ALG6: variants seen among roughly 807,000 people sequenced by gnomAD.
The protein encoded by ALG6 is dolichyl pyrophosphate Man9GlcNAc2 alpha-1,3-glucosyltransferase.
In ALG6, 46 loss-of-function variants were observed where a neutral mutation model predicts 66.6. The observed-to-expected ratio is 0.69, with a 90% CI of 0.55 to 0.88. The LOEUF (loss-of-function observed/expected upper bound fraction) is 0.88, where lower values mean the gene tolerates loss of function less well. ALG6 is among the 40% of genes least tolerant of loss of function. The pLI is 0.00. For synonymous variants in ALG6, 185 were observed against 203.7 expected (o/e 0.91, Z 0.78); for missense variants, 505 against 586.8 (o/e 0.86, Z 1.44).
intron 14 of ALG6, among the ~76,000 whole-genome samples, chr1:63,430,345 T>G (rs1644639414): frequency 6.6e-6 from 1 of 152,266 alleles, no homozygotes; most frequent in African/African-American, 2.4e-5. Flanking sequence ...ATGAATATAA[T>G]AATGCTGTTG....
intron 2 of ALG6, among the ~76,000 whole-genome samples, chr1:63,391,490 C>G (rs758089980): frequency 6.6e-6 from 1 of 152,140 alleles, no homozygotes; most frequent in Non-Finnish European, 1.5e-5. Flanking sequence ...CTTCTTTTCT[C>G]TGGGTATAGG....
chr1:63,428,470 T>C lies in ALG6; in HGVS notation c.1059-263T>C, dbSNP rs1293314142. ...TTTCTTAAGCTACTTGTTTGTATGA[T>C]AGAGAAAAAAAGTTCCATTAACGGC... is the stretch of plus-strand genomic sequence containing the variant. On this transcript the variant is annotated intron_variant, in intron 12 of 14. Transcript: ENST00000263440. The C allele has an allele frequency of 9.8e-6, 3 of 305,006 alleles. 1 individual carries two copies. The highest frequency in any genetic ancestry group is 1.2e-4 in the East Asian group (2 of 16,430). 18.9% of individuals were successfully genotyped at this position (305,006 alleles called of 1,614,324 possible).
At chr1:63,374,120 A>G (rs1223644595) in intron 2 of ALG6, among the ~76,000 whole-genome samples, 1 of 152,204 alleles carries the variant, frequency 6.6e-6, no homozygotes, top group Admixed American at 6.5e-5. Context: ...TGGGATTCAA[A>G]TATAGTTGTA....
At chr1:63,419,125 A>T (rs1351307639) in intron 11 of ALG6, among the ~76,000 whole-genome samples, 2 of 152,168 alleles carry the variant, frequency 1.3e-5, no homozygotes, top group African/African-American at 4.8e-5. Context: ...GTTTATTAAT[A>T]ACTGAGTTAT....
chr1:63,417,380 G>C (rs1290525474), intron 11 of ALG6, among the ~76,000 whole-genome samples: 1 of 152,118 alleles, frequency 6.6e-6, no homozygotes, highest in Admixed American at 6.6e-5. Flanking sequence ...CTTTTTCTTA[G>C]TTTTGTAATT....
At chr1:63,414,545 C>T (rs1238667859) in intron 10 of ALG6, among the ~76,000 whole-genome samples, 1 of 152,206 alleles carries the variant, frequency 6.6e-6, no homozygotes, top group Non-Finnish European at 1.5e-5. Flanking sequence ...CCACTGCACC[C>T]AGCCGAGGTG....
At chr1:63,395,334 A>G (rs1648789744) in intron 2 of ALG6, among the ~76,000 whole-genome samples, 1 of 152,220 alleles carries the variant, frequency 6.6e-6, no homozygotes, top group South Asian at 2.1e-4. Context: ...GATCTAATTA[A>G]TGTCTTTTTA....
intron 4 of ALG6, 94 bp downstream of exon 4, chr1:63,402,437 A>T (rs1317151439): frequency 4.8e-6 from 3 of 623,178 alleles, no homozygotes; most frequent in Non-Finnish European, 8.6e-6. Context: ...ACTAGAGGAG[A>T]GATTGCTTGT....
intron 2 of ALG6, among the ~76,000 whole-genome samples, chr1:63,387,866 G>A (rs1356834106): frequency 1.3e-5 from 2 of 151,946 alleles, no homozygotes; most frequent in Non-Finnish European, 2.9e-5. Context: ...TATAGCTTTT[G>A]TCTTGAAATC....
chr1:63,421,949 C>T (rs1570080619), intron 12 of ALG6, among the ~76,000 whole-genome samples: 1 of 149,340 alleles, frequency 6.7e-6, no homozygotes, highest in East Asian at 1.9e-4. Context: ...AGCAAACCAC[C>T]ATGGCACGTG....
At position 63,436,947 on chromosome 1, in the gene ALG6, T is replaced by A. The variant is rs749363896; in HGVS notation, c.1451T>A (p.Phe484Tyr). Residue 484 changes from phenylalanine (F) to tyrosine (Y), a missense_variant, in exon 15 of 15, where the codon TTC becomes TAC. Phe to Tyr is a conservative substitution (Grantham distance 22). Transcript: ENST00000263440. ...TTTGTATCTTGCTTGAACTTCCTGT[T>A]CTTCTTGGTATACTTTAACATTATT... ...VCFVSCLNFL[F>Y]FLVYFNIIIM... 3 of 1,613,724 alleles carry A rather than the reference T, an allele frequency of 1.9e-6. No individual in the cohort carries two copies. The highest frequency in any genetic ancestry group is 1.7e-6 in the Non-Finnish European group (2 of 1,179,782).
At chr1:63,394,871 T>C (rs796179206) in intron 2 of ALG6, among the ~76,000 whole-genome samples, 10 of 141,020 alleles carry the variant, frequency 7.1e-5, no homozygotes, top group African/African-American at 2.3e-4. Flanking sequence ...ATTTCTTTTC[T>C]TTTTTTTTTT....
chr1:63,414,147 G>A lies in ALG6; in HGVS notation c.902+1G>A, dbSNP rs1036516188. ...CACGTCACATCCAATTAATAATGAGGTAAGAGAAACAAAGTTTGTATGTAG... is the reference window on the plus strand; with the variant it reads ...CACGTCACATCCAATTAATAATGAGATAAGAGAAACAAAGTTTGTATGTAG... On this transcript the variant is annotated splice_donor_variant, in intron 10 of 14. Coordinates refer to ENST00000263440, the MANE Select transcript of ALG6 (RefSeq NM_013339.4). LOFTEE classifies it high-confidence loss of function. 11 of 1,590,896 alleles carry A rather than the reference G, an allele frequency of 6.9e-6. No individual in the cohort carries two copies. Among genetic ancestry groups the A allele is most frequent in the African/African-American group, 1.3e-5 (1 of 74,364 alleles).
chr1:63,380,686 A>G (rs1308874694), intron 2 of ALG6, among the ~76,000 whole-genome samples: 1 of 152,226 alleles, frequency 6.6e-6, no homozygotes, highest in Admixed American at 6.5e-5. Flanking sequence ...GCTGGTATAT[A>G]TAATCAAATG....
chr1:63,395,291 A>G (rs768944429), intron 2 of ALG6, among the ~76,000 whole-genome samples: 11 of 152,256 alleles, frequency 7.2e-5, no homozygotes, highest in African/African-American at 1.2e-4. Context: ...GTAAAGCAAT[A>G]GTTTTTATAC....
chr1:63,434,375 G>A (rs553284461), intron 14 of ALG6, among the ~76,000 whole-genome samples: 1 of 152,304 alleles, frequency 6.6e-6, no homozygotes, highest in Admixed American at 6.5e-5. Context: ...CCGAATTGGA[G>A]GAAGCATGTT....
chr1:63,386,933 C>T (rs75057613), intron 2 of ALG6, among the ~76,000 whole-genome samples: 4,207 of 152,200 alleles, frequency 0.028, 111 homozygotes, highest in South Asian at 0.14. Context: ...TTGCTATAAA[C>T]TTTCCTCTTA....
At chr1:63,404,711 G>A (rs1247828590) in intron 5 of ALG6, among the ~76,000 whole-genome samples, 170 bp downstream of exon 5, 1 of 152,112 alleles carries the variant, frequency 6.6e-6, no homozygotes, top group Non-Finnish European at 1.5e-5. Context: ...AAATGTATAT[G>A]TAAGCTAAAA....
At chr1:63,396,813 C>T (rs1341565076) in intron 3 of ALG6, among the ~76,000 whole-genome samples, 2 of 152,142 alleles carry the variant, frequency 1.3e-5, no homozygotes, top group Non-Finnish European at 2.9e-5. Context: ...GGCTATGATG[C>T]TGAACTAGAA....
Sources: allele counts gnomAD v4.1 joint callset (sites outside exome capture counted in the v4.1 genomes callset), GRCh38; gene constraint gnomAD v4.1.1; transcripts MANE v1.5; gene names NCBI Gene and HGNC (gene_info 2026-07-23, HGNC 2026-07-21).